PREPL: variants seen among roughly 807,000 people sequenced by gnomAD.
PREPL encodes the protein prolyl endopeptidase-like.
A neutral mutation model predicts 70.6 loss-of-function variants in PREPL; 77 were observed. The ratio of observed to expected loss-of-function variants is 1.09; its 90% CI spans 0.91 to 1.32. The LOEUF is 1.32. Among genes scored for constraint, PREPL ranks in the 40% most tolerant of loss-of-function variants. The pLI is 0.00. For missense variants in PREPL, 1,002 were observed against 778.2 expected, an observed-to-expected ratio of 1.29 and a Z score of -3.42; for synonymous variants, 315 against 264.8, an observed-to-expected ratio of 1.19 and a Z score of -1.84.
chr2:44,351,266 A>C (rs1216489912), intron 1 of PREPL, among the ~76,000 whole-genome samples: 2 of 151,890 alleles, frequency 1.3e-5, no homozygotes, highest in Non-Finnish European at 2.9e-5. Flanking sequence ...GGCAGAGCTC[A>C]ATTCCTGCAC....
In PREPL at chr2:44,320,531, C is replaced by A. The variant is rs1386370640; in HGVS notation, c.*825G>T. On this transcript the variant is annotated 3_prime_UTR_variant, in exon 14 of 14. Coordinates refer to ENST00000409411, the MANE Select transcript of PREPL (RefSeq NM_001171613.2). ...AGGGAGAGGGACTCATCTTTGAACA[C>A]AACACGAAGAATCTCCTTCATCGCC... is the stretch of plus-strand genomic sequence containing the variant. 6.2e-7 allele frequency: 1 copy of A among 1,613,942 alleles called. No individual in the cohort carries two copies. Among genetic ancestry groups the A allele is most frequent in the African/African-American group, 1.3e-5 (1 of 74,926 alleles).
At position 44,317,884 on chromosome 2, in the gene PREPL, C is replaced by A. The variant is rs918387222; in HGVS notation, c.*3472G>T. 9.3e-6 allele frequency: 2 copies of A among 215,600 alleles called. No homozygotes were observed. The highest frequency in any genetic ancestry group is 5.7e-5 in the Admixed American group (1 of 17,680). The allele number at this position is 215,600 out of a possible 1,614,324, so 13.4% of individuals were successfully genotyped here. ...TAAATTAGCCTATTAAAAGATAAAA[C>A]CACTCAGATAACAAAAACAGACATA... is the stretch of plus-strand genomic sequence containing the variant. On this transcript the variant is annotated 3_prime_UTR_variant, in exon 14 of 14. Transcript: ENST00000409411.
At chr2:44,331,899 G>C (rs1039922336) in intron 8 of PREPL, among the ~76,000 whole-genome samples, 1 of 150,466 alleles carries the variant, frequency 6.6e-6, no homozygotes, top group African/African-American at 2.4e-5. Context: ...TAAAAAATCA[G>C]ACATAAACAA....
At chr2:44,338,267 C>T in intron 7 of PREPL, 84 bp downstream of exon 7, 3 of 1,235,426 alleles carry the variant, frequency 2.4e-6, no homozygotes, top group Non-Finnish European at 3.4e-6. Context: ...ACACTGCTGC[C>T]ACTATTCAAA....
rs767564109 is a variant in PREPL, at chr2:44,321,677, C to G, written c.1827+150G>C. On this transcript the variant is annotated intron_variant, in intron 13 of 13. Transcript: ENST00000409411. ...AGAGAGACATTTCTCTTGATTGACA[C>G]AGTGTCCCTCCCTCCCCTCCTGGGT... The G allele has an allele frequency of 1.2e-4, 181 of 1,547,136 alleles. 1 individual carries two copies. The highest frequency in any genetic ancestry group is 1.4e-4 in the Non-Finnish European group (158 of 1,145,098).
In PREPL at chr2:44,319,287, A is replaced by T. The variant is rs2103626291; in HGVS notation, c.*2069T>A. On this transcript the variant is annotated 3_prime_UTR_variant, in exon 14 of 14. Transcript: ENST00000409411. ...AATGAACATTATCACTGATTTGGCAACAGCTCTTATGAAGAATAATTTGGC... is the reference window on the plus strand; with the variant it reads ...AATGAACATTATCACTGATTTGGCATCAGCTCTTATGAAGAATAATTTGGC... The T allele has an allele frequency of 6.5e-6, 1 of 152,792 alleles. No individual in the cohort carries two copies. The highest frequency in any genetic ancestry group is 2.1e-4 in the South Asian group (1 of 4,828). 9.5% of individuals were successfully genotyped at this position (152,792 alleles called of 1,614,324 possible). A position where few individuals can be genotyped will look rare whatever the true frequency, so the allele number is the denominator to read the frequency against.
intron 1 of PREPL, among the ~76,000 whole-genome samples, chr2:44,349,923 A>G (rs888053214): frequency 5.3e-5 from 8 of 152,332 alleles, no homozygotes; most frequent in East Asian, 1.9e-4. Flanking sequence ...TATATAAGTC[A>G]CTAACTCTTA....
intron 9 of PREPL, among the ~76,000 whole-genome samples, chr2:44,328,253 A>G (rs1330910065): frequency 2.8e-5 from 4 of 143,616 alleles, no homozygotes; most frequent in African/African-American, 7.9e-5. Flanking sequence ...TGGGCGACAG[A>G]GCAAGATTCT....
At position 44,346,298 on chromosome 2, in the gene PREPL, T is replaced by C; in HGVS notation, c.45A>G (p.Pro15=). ...CATTGATGATTTCATATTCTTCTTG[T>C]GGCTGTGTTTCTAATTTTGTTCTCA... The part of the protein sequence containing the change: ...EKVRTKLETQ[P]QEEYEIINVE... The change falls in exon 2 of 14, where the codon CCA becomes CCG. Residue 15 remains proline (P), a synonymous_variant. Transcript: ENST00000409411. The C allele has an allele frequency of 6.2e-7, 1 of 1,612,810 alleles. No individual in the cohort carries two copies. Among genetic ancestry groups the C allele is most frequent in the Non-Finnish European group, 8.5e-7 (1 of 1,179,330 alleles).
chr2:44,332,535 T>G lies in PREPL; in HGVS notation c.1010A>C (p.Lys337Thr). 2 of 1,614,042 alleles carry G rather than the reference T, an allele frequency of 1.2e-6. No individual in the cohort carries two copies. Among genetic ancestry groups the G allele is most frequent in the Non-Finnish European group, 1.7e-6 (2 of 1,179,966 alleles). ...KYYTYKFAEG[K>T]LFEETGHEDP... ...TTCATGCCCAGTTTCCTCAAACAGT[T>G]TGCCTTCTGCAAACTTGTATGTGTA... is the stretch of plus-strand genomic sequence containing the variant. The change falls in exon 8 of 14, where the codon AAA becomes ACA. Residue 337 changes from lysine to threonine, a missense_variant. Physicochemically the swap from Lys to Thr is moderately conservative, Grantham distance 78 (BLOSUM62 -1). Transcript: ENST00000409411.
At chr2:44,330,019 G>C (rs1258443642) in intron 8 of PREPL, among the ~76,000 whole-genome samples, 1 of 152,162 alleles carries the variant, frequency 6.6e-6, no homozygotes, top group Non-Finnish European at 1.5e-5. Context: ...ACTGGAGACA[G>C]CAAAATGTAA....
intron 7 of PREPL, among the ~76,000 whole-genome samples, chr2:44,336,102 A>G (rs1333542865): frequency 6.6e-6 from 1 of 152,138 alleles, no homozygotes; most frequent in Non-Finnish European, 1.5e-5. Flanking sequence ...ATACACTGCT[A>G]GTGGAAATGT....
chr2:44,327,287 T>C (rs1157331994), intron 9 of PREPL, among the ~76,000 whole-genome samples: 1 of 152,162 alleles, frequency 6.6e-6, no homozygotes, highest in Non-Finnish European at 1.5e-5. Flanking sequence ...GACAGTAATT[T>C]TGTGGGGTAA....
Position 44,342,600 on chromosome 2 carries a change from T to A in PREPL, c.350-48A>T, listed in dbSNP as rs1465046735. On this transcript the variant is annotated intron_variant, in intron 4 of 13. Coordinates refer to ENST00000409411, the MANE Select transcript of PREPL (RefSeq NM_001171613.2). ...TTATACATAATCACCTACACTCCAT[T>A]AAAAAAAAAAAAAAAGCACAGCACA... 299 of 949,960 alleles carry A rather than the reference T, an allele frequency of 3.1e-4. No individual in the cohort carries two copies. The highest frequency in any genetic ancestry group is 7.5e-4 in the Middle Eastern group (2 of 2,678). The allele number at this position is 949,960 out of a possible 1,614,324, so 58.8% of individuals were successfully genotyped here. A position where few individuals can be genotyped will look rare whatever the true frequency, so the allele number is the denominator to read the frequency against.
At chr2:44,348,041 T>A (rs1277175655) in intron 1 of PREPL, among the ~76,000 whole-genome samples, 1 of 152,148 alleles carries the variant, frequency 6.6e-6, no homozygotes, top group African/African-American at 2.4e-5. Flanking sequence ...TAGCCTCTAC[T>A]TACTATCATA....
chr2:44,328,358 A>G (rs1257299794), intron 9 of PREPL, among the ~76,000 whole-genome samples: 3 of 143,354 alleles, frequency 2.1e-5, no homozygotes, highest in Admixed American at 1.5e-4. Flanking sequence ...AATCACTTGA[A>G]CCTGGGAGGC....
At chr2:44,328,342 C>T (rs1442411631) in intron 9 of PREPL, among the ~76,000 whole-genome samples, 1 of 135,218 alleles carries the variant, frequency 7.4e-6, no homozygotes, top group African/African-American at 2.8e-5. Flanking sequence ...GAGCCTGAAG[C>T]ATGAGAATCA....
chr2:44,338,888 G>A (rs6721675), intron 6 of PREPL, among the ~76,000 whole-genome samples: 101,750 of 152,120 alleles, frequency 0.67, 34,652 homozygotes, highest in African/African-American at 0.73. Context: ...TCACGAGTTT[G>A]TAAGTTTGCT....
intron 5 of PREPL, among the ~76,000 whole-genome samples, chr2:44,341,436 C>A (rs1675210145): frequency 6.6e-6 from 1 of 151,944 alleles, no homozygotes; most frequent in African/African-American, 2.4e-5. Context: ...AATTGTAGGG[C>A]AAGTCCCCTA....
Sources: gnomAD v4.1 joint callset for allele counts (sites outside exome capture counted in the v4.1 genomes callset) on GRCh38, gnomAD v4.1.1 for gene constraint, MANE v1.5 for transcripts, NCBI Gene and HGNC (gene_info 2026-07-23, HGNC 2026-07-21) for gene names.